MAP3K4: variants seen among roughly 807,000 people sequenced by gnomAD.
MAP3K4 encodes the protein MAP three kinase 1.
In MAP3K4, 67 loss-of-function variants were observed where a neutral mutation model predicts 185.6. The ratio of observed to expected loss-of-function variants is 0.36; its 90% CI spans 0.30 to 0.44. MAP3K4 has a LOEUF of 0.44. Ranked by LOEUF, MAP3K4 falls within the 20% of genes least tolerant of loss-of-function variation. MAP3K4 has a pLI of 1.00. For missense variants in MAP3K4, 1,551 were observed against 1,995.1 expected, an observed-to-expected ratio of 0.78 and a Z score of 4.24; for synonymous variants, 702 against 710.4, an observed-to-expected ratio of 0.99 and a Z score of 0.19.
chr6:161,023,204 T>A (rs1470212305), intron 1 of MAP3K4, among the ~76,000 whole-genome samples: 1 of 152,222 alleles, frequency 6.6e-6, no homozygotes, highest in Non-Finnish European at 1.5e-5. Flanking sequence ...TTCCTTTTTT[T>A]AAAATTTATT....
rs1785142583 is a variant in MAP3K4 at position 161,075,697 on chromosome 6, G to T, written c.2097+2085G>T. ...TGGTCAGCCAGTTTCTGTGCCATTG[G>T]TGAGCCTGTGTGATAGTGGAAGTCT... On this transcript the variant is annotated intron_variant, in intron 5 of 26. Transcript: ENST00000392142. This position sits in a 1 kb window ranked among gnomAD's most constrained non-coding sequence, Gnocchi z 4.3. Among the ~76,000 whole-genome samples the T allele has an allele frequency of 6.6e-6, 1 of 152,168 alleles. No homozygotes were observed. The highest frequency in any genetic ancestry group is 1.5e-5 in the Non-Finnish European group (1 of 68,034).
rs565884735 is a variant in MAP3K4, at chr6:161,056,884, C to T, written c.1707+6905C>T. On this transcript the variant is annotated intron_variant, in intron 3 of 26. Transcript: ENST00000392142. This position sits in a 1 kb window ranked among gnomAD's most constrained non-coding sequence, Gnocchi z 5.4. ...TTTAAAATGTGCATACTCTAAAGTT[C>T]ACTCTGTAATATATAGTTCTATGGG... is the stretch of plus-strand genomic sequence containing the variant. 6.6e-6 allele frequency among the ~76,000 whole-genome samples: 1 copy of T among 152,304 alleles called. No homozygotes were observed. Among genetic ancestry groups the T allele is most frequent in the East Asian group, 1.9e-4 (1 of 5,182 alleles).
chr6:161,035,818 A>C (rs1183510647), intron 2 of MAP3K4, among the ~76,000 whole-genome samples: 1 of 152,258 alleles, frequency 6.6e-6, no homozygotes, highest in Non-Finnish European at 1.5e-5. Context: ...AGATGCCGGT[A>C]GTACACTTGC....
chr6:160,994,516 T>G (rs1780903201), intron 1 of MAP3K4, among the ~76,000 whole-genome samples: 1 of 152,226 alleles, frequency 6.6e-6, no homozygotes, highest in African/African-American at 2.4e-5. Context: ...TGCCACATTT[T>G]CTTTATCCAC....
chr6:161,091,690 G>A lies in MAP3K4; in HGVS notation c.3135+150G>A, dbSNP rs760760869. ...TATATCACTGCTGTATATCAGAGAT[G>A]TTAGTTTACTTTTAAACTGTTAGGT... On this transcript the variant is annotated intron_variant, in intron 12 of 26. Coordinates refer to ENST00000392142, the MANE Select transcript of MAP3K4 (RefSeq NM_005922.4). This position sits in a 1 kb window ranked among gnomAD's most constrained non-coding sequence, Gnocchi z 5.5. 5.5e-6 allele frequency: 4 copies of A among 728,364 alleles called. No individual in the cohort carries two copies. The highest frequency in any genetic ancestry group is 8.9e-6 in the Non-Finnish European group (4 of 449,272). 45.1% of individuals were successfully genotyped at this position (728,364 alleles called of 1,614,324 possible). A position where few individuals can be genotyped will look rare whatever the true frequency, so the allele number is the denominator to read the frequency against.
intron 1 of MAP3K4, among the ~76,000 whole-genome samples, chr6:161,027,540 G>A (rs936059595): frequency 1.3e-5 from 2 of 152,122 alleles, no homozygotes; most frequent in Non-Finnish European, 2.9e-5. Flanking sequence ...TTAAATTCTT[G>A]TTCTATTTTA....
chr6:161,081,806 G>C (rs1785473152), intron 6 of MAP3K4, among the ~76,000 whole-genome samples: 1 of 152,188 alleles, frequency 6.6e-6, no homozygotes, highest in African/African-American at 2.4e-5. Context: ...TTCTGCTGCT[G>C]TCTTTTGGCA....
intron 1 of MAP3K4, among the ~76,000 whole-genome samples, chr6:161,011,088 A>T (rs1235269944): frequency 6.6e-6 from 1 of 152,192 alleles, no homozygotes; most frequent in Non-Finnish European, 1.5e-5. Context: ...GGAGTTAGGG[A>T]CTACAAAGAA....
At chr6:161,102,281 A>G (rs1388577830) in intron 18 of MAP3K4, among the ~76,000 whole-genome samples, 1 of 152,188 alleles carries the variant, frequency 6.6e-6, no homozygotes, top group African/African-American at 2.4e-5. Context: ...GAATACTTTT[A>G]TTCATTTAAA....
Position 161,093,812 on chromosome 6 carries a change from A to G in MAP3K4, c.3388A>G (p.Ile1130Val). The G allele has an allele frequency of 1.2e-6, 2 of 1,613,844 alleles. No homozygotes were observed. Among genetic ancestry groups the G allele is most frequent in the Non-Finnish European group, 1.7e-6 (2 of 1,179,904 alleles). Residue 1130 changes from isoleucine to valine, a missense_variant, in exon 15 of 27, where the codon ATA (isoleucine) becomes GTA (valine). Coordinates refer to ENST00000392142, the MANE Select transcript of MAP3K4 (RefSeq NM_005922.4). The surrounding 1 kb of genome is among the most constrained non-coding windows in gnomAD (Gnocchi z 5.2). ...GATGAATGAATGCATTGGCCATGTC[A>G]TAGGAAAACCACACAGTCCTGTTAC... ...ALMNECIGHV[I>V]GKPHSPVTGL...
chr6:161,025,564 T>C (rs1782605758), intron 1 of MAP3K4, among the ~76,000 whole-genome samples: 1 of 152,336 alleles, frequency 6.6e-6, no homozygotes, highest in East Asian at 1.9e-4. Context: ...ATCCAAATTT[T>C]AAGAAAAAGT....
intron 1 of MAP3K4, among the ~76,000 whole-genome samples, chr6:161,029,618 A>G (rs1170379114): frequency 6.6e-6 from 1 of 152,226 alleles, no homozygotes; most frequent in African/African-American, 2.4e-5. Context: ...AACACAAGTA[A>G]GACAAATGTT....
rs573251656 is a variant in MAP3K4, at chr6:161,023,415, G to A, written c.153-10844G>A. 2.4e-3 allele frequency among the ~76,000 whole-genome samples: 358 copies of A among 152,260 alleles called. 2 individuals carry two copies. The highest frequency in any genetic ancestry group is 4.1e-3 in the Non-Finnish European group (278 of 68,028). Reference sequence around the variant, plus strand: ...TCTTCCATCATGCTAACCTAAAGCCGTTAATCAGTATGTTTAGGTTATGCT... The same window carrying A: ...TCTTCCATCATGCTAACCTAAAGCCATTAATCAGTATGTTTAGGTTATGCT... On this transcript the variant is annotated intron_variant, in intron 1 of 26. Coordinates refer to ENST00000392142, the MANE Select transcript of MAP3K4 (RefSeq NM_005922.4).
At chr6:161,113,165 TAC>T (rs1249662352) in intron 25 of MAP3K4, among the ~76,000 whole-genome samples, 2 of 152,188 alleles carry the variant, frequency 1.3e-5, no homozygotes, top group African/African-American at 4.8e-5. Context: ...AGATTATTCA[TAC>T]AAAGGAGTAT....
chr6:161,005,295 T>G (rs1303645074), intron 1 of MAP3K4, among the ~76,000 whole-genome samples: 1 of 152,042 alleles, frequency 6.6e-6, no homozygotes, highest in African/African-American at 2.4e-5. Flanking sequence ...CATGCCACCA[T>G]GCGTGGCTAG....
At chr6:161,041,115 C>T (rs1783429986) in intron 2 of MAP3K4, among the ~76,000 whole-genome samples, 1 of 152,214 alleles carries the variant, frequency 6.6e-6, no homozygotes, top group Non-Finnish European at 1.5e-5. Context: ...AGAGCTAGAA[C>T]TGCTGCCCTG....
intron 3 of MAP3K4, among the ~76,000 whole-genome samples, chr6:161,066,498 C>T (rs1203789547): frequency 6.6e-6 from 1 of 151,568 alleles, no homozygotes; most frequent in Non-Finnish European, 1.5e-5. Flanking sequence ...ATTCTATTTT[C>T]ACTGTCTTCT....
In MAP3K4 at chr6:161,055,192, C is replaced by T. The variant is rs1784177646; in HGVS notation, c.1707+5213C>T. Among the ~76,000 whole-genome samples, 2 of 152,198 alleles carry T rather than the reference C, an allele frequency of 1.3e-5. 1 individual carries two copies. The highest frequency in any genetic ancestry group is 4.1e-4 in the South Asian group (2 of 4,832). On this transcript the variant is annotated intron_variant, in intron 3 of 26. Coordinates refer to ENST00000392142, the MANE Select transcript of MAP3K4 (RefSeq NM_005922.4). ...GATGTGCTTGTATGGTGACCCTTCC[C>T]AACCCTGCTTAAAAGTTAACAAGAG...
Position 161,051,542 on chromosome 6 carries a change from T to C in MAP3K4, c.1707+1563T>C, listed in dbSNP as rs1784001696. The stretch of plus-strand genomic sequence containing the variant: ...GTGGTTTAATTTCATTAAGGACATA[T>C]GTTGGTAAGACAGGATTGATGTTTA... On this transcript the variant is annotated intron_variant, in intron 3 of 26. Coordinates refer to ENST00000392142, the MANE Select transcript of MAP3K4 (RefSeq NM_005922.4). This position sits in a 1 kb window ranked among gnomAD's most constrained non-coding sequence, Gnocchi z 4.2. Among the ~76,000 whole-genome samples the C allele has an allele frequency of 6.6e-6, 1 of 152,172 alleles. No individual in the cohort carries two copies. Among genetic ancestry groups the C allele is most frequent in the African/African-American group, 2.4e-5 (1 of 41,434 alleles).
Sources: allele counts gnomAD v4.1 joint callset (sites outside exome capture counted in the v4.1 genomes callset), GRCh38; gene constraint gnomAD v4.1.1; non-coding constraint Gnocchi (gnomAD v3.1); transcripts MANE v1.5; gene names NCBI Gene and HGNC (gene_info 2026-07-23, HGNC 2026-07-21).